EBF1: variants seen among roughly 807,000 people sequenced by gnomAD.
EBF1 encodes the protein transcription factor COE1.
EBF1 carries 10 observed loss-of-function variants against 68.4 expected under a neutral mutation model. The observed-to-expected ratio is 0.15, with a 90% CI of 0.09 to 0.25. EBF1 has a LOEUF of 0.25. EBF1 is among the 10% of genes least tolerant of loss of function. The probability of loss-of-function intolerance (pLI) is 1.00; values close to 1 mark genes in which losing one functional copy is unlikely to be tolerated. For synonymous variants in EBF1, 298 were observed against 299.8 expected, an observed-to-expected ratio of 0.99 and a Z score of 0.06; for missense variants, 509 against 794.4, an observed-to-expected ratio of 0.64 and a Z score of 4.32.
chr5:158,819,212 A>T (rs932219972), intron 8 of EBF1, among the ~76,000 whole-genome samples: 3 of 152,264 alleles, frequency 2.0e-5, no homozygotes, highest in African/African-American at 7.2e-5. Flanking sequence ...TGACAAAGCC[A>T]CTAGAGTGTA....
At chr5:158,726,212 C>T (rs1762952686) in intron 11 of EBF1, among the ~76,000 whole-genome samples, 1 of 152,064 alleles carries the variant, frequency 6.6e-6, no homozygotes, top group Non-Finnish European at 1.5e-5. Context: ...CTATACCTAC[C>T]AACATAGAGA....
At chr5:158,940,776 C>CCA (rs1813158881) in intron 6 of EBF1, among the ~76,000 whole-genome samples, 1 of 51,122 alleles carries the variant, frequency 2.0e-5, no homozygotes, top group Non-Finnish European at 7.2e-5. Flanking sequence ...CCCCCCCCCC[C>CCA]CCCGCAGGTC....
intron 6 of EBF1, among the ~76,000 whole-genome samples, chr5:158,997,911 C>T (rs1193170681): frequency 6.6e-6 from 1 of 152,134 alleles, no homozygotes; most frequent in East Asian, 1.9e-4. Flanking sequence ...CTATGTGCCC[C>T]CTCAAGGAAT....
intron 6 of EBF1, among the ~76,000 whole-genome samples, chr5:158,917,255 G>A (rs1441004333): frequency 6.6e-6 from 1 of 152,226 alleles, no homozygotes; most frequent in African/African-American, 2.4e-5. Flanking sequence ...AGCTGTCTTT[G>A]AACCATTTAG....
At chr5:158,815,048 G>A in intron 8 of EBF1, among the ~76,000 whole-genome samples, 1 of 152,170 alleles carries the variant, frequency 6.6e-6, no homozygotes, top group Non-Finnish European at 1.5e-5. Context: ...AAGAACAATA[G>A]GATAGGAGAT....
chr5:158,709,490 G>A (rs928861083), intron 14 of EBF1, among the ~76,000 whole-genome samples: 2 of 152,190 alleles, frequency 1.3e-5, no homozygotes, highest in Non-Finnish European at 2.9e-5. Context: ...AGATCTCCAG[G>A]GGGAAAAGCC....
intron 10 of EBF1, among the ~76,000 whole-genome samples, chr5:158,739,273 T>C (rs1338270800): frequency 6.6e-6 from 1 of 152,236 alleles, no homozygotes; most frequent in Non-Finnish European, 1.5e-5. Context: ...TGGAGGGCTA[T>C]ACTGTGTCTA....
intron 7 of EBF1, among the ~76,000 whole-genome samples, chr5:158,834,812 C>G (rs1788389265): frequency 6.6e-6 from 1 of 152,174 alleles, no homozygotes; most frequent in Non-Finnish European, 1.5e-5. Flanking sequence ...TCCTGCGTTG[C>G]TATATGAAGA....
At chr5:158,924,321 T>C (rs1182119380) in intron 6 of EBF1, among the ~76,000 whole-genome samples, 2 of 152,190 alleles carry the variant, frequency 1.3e-5, no homozygotes, top group African/African-American at 4.8e-5. Flanking sequence ...AATTCCCTCA[T>C]GTCTCTGTAA....
In EBF1 at chr5:159,096,386, G is replaced by C; in HGVS notation, c.312C>G (p.Thr104=). The stretch of plus-strand genomic sequence containing the variant: ...GAAGCCGGTAGTGAATTCCGTTATT[G>C]GTCTTTTCGCTGTTGGCTTCCTGGG... ...EKEKEANSEK[T]NNGIHYRLQL... is the part of the protein sequence containing the mutation. Residue 104 remains threonine (T), a synonymous_variant, in exon 3 of 16, where the codon ACC becomes ACG. Coordinates refer to ENST00000313708, the MANE Select transcript of EBF1 (RefSeq NM_024007.5). 6.2e-7 allele frequency: 1 copy of C among 1,613,652 alleles called. No homozygotes were observed. The highest frequency in any genetic ancestry group is 8.5e-7 in the Non-Finnish European group (1 of 1,179,824).
chr5:158,913,451 G>A (rs556639166), intron 6 of EBF1, among the ~76,000 whole-genome samples: 1 of 152,278 alleles, frequency 6.6e-6, no homozygotes, highest in African/African-American at 2.4e-5. Context: ...TTCCATCAGT[G>A]TTTTCAGAAA....
At position 158,955,331 on chromosome 5, in the gene EBF1, A is replaced by AG. The variant is rs1554088543; in HGVS notation, c.555-115222_555-115221insC. ...AGAGCGAAACTCCATCTAAAAAAAAAAGAGAGAGAGAGAGAAGTAATTGCA... is the reference window on the plus strand; with the variant it reads ...AGAGCGAAACTCCATCTAAAAAAAAAGAGAGAGAGAGAGAGAAGTAATTGCA... On this transcript the variant is annotated intron_variant, in intron 6 of 15. Transcript: ENST00000313708. 3.2e-3 allele frequency among the ~76,000 whole-genome samples: 489 copies of AG among 152,040 alleles called. 5 individuals carry two copies. Among genetic ancestry groups the AG allele is most frequent in the African/African-American group, 0.011 (468 of 41,452 alleles).
intron 6 of EBF1, among the ~76,000 whole-genome samples, chr5:158,848,237 G>T (rs1345652461): frequency 6.6e-6 from 1 of 152,064 alleles, no homozygotes; most frequent in Non-Finnish European, 1.5e-5. Flanking sequence ...AACATAGGCA[G>T]TTTGACTCCA....
At chr5:158,933,763 G>T (rs1255442659) in intron 6 of EBF1, among the ~76,000 whole-genome samples, 1 of 152,178 alleles carries the variant, frequency 6.6e-6, no homozygotes, top group Non-Finnish European at 1.5e-5. Context: ...GAAATAGTAG[G>T]CATTCAATAT....
intron 6 of EBF1, among the ~76,000 whole-genome samples, chr5:158,843,702 T>C (rs1790805934): frequency 6.6e-6 from 1 of 152,172 alleles, no homozygotes; most frequent in South Asian, 2.1e-4. Flanking sequence ...AGAGGGAGCC[T>C]CAGAAATTCT....
intron 7 of EBF1, among the ~76,000 whole-genome samples, chr5:158,831,369 A>G (rs1787521748): frequency 1.3e-5 from 2 of 152,190 alleles, no homozygotes; most frequent in Admixed American, 1.3e-4. Flanking sequence ...TCACTTAGTC[A>G]TAGGAATACG....
intron 6 of EBF1, among the ~76,000 whole-genome samples, chr5:158,920,586 T>A (rs1486620415): frequency 3.9e-5 from 6 of 152,172 alleles, no homozygotes; most frequent in Admixed American, 2.6e-4. Flanking sequence ...TTTCTTCTTT[T>A]TTTTTTTAAA....
At chr5:158,991,740 G>A (rs1467062657) in intron 6 of EBF1, among the ~76,000 whole-genome samples, 2 of 152,172 alleles carry the variant, frequency 1.3e-5, no homozygotes, top group Non-Finnish European at 2.9e-5. Flanking sequence ...TGTTCTTGGA[G>A]GAAATGCACC....
intron 6 of EBF1, among the ~76,000 whole-genome samples, chr5:158,883,978 G>A (rs1376392873): frequency 6.6e-6 from 1 of 152,142 alleles, no homozygotes; most frequent in Non-Finnish European, 1.5e-5. Flanking sequence ...CTTGGGAACC[G>A]AGATGTCTTC....
Sources: allele counts gnomAD v4.1 joint callset (sites outside exome capture counted in the v4.1 genomes callset), GRCh38; gene constraint gnomAD v4.1.1; transcripts MANE v1.5; gene names NCBI Gene and HGNC (gene_info 2026-07-23, HGNC 2026-07-21).